ARL10: variants seen among roughly 807,000 people sequenced by gnomAD.
The protein encoded by ARL10 is ARF like GTPase 10.
In ARL10, 23 loss-of-function variants were observed where a neutral mutation model predicts 26.1. The ratio of observed to expected loss-of-function variants is 0.88; its 90% CI spans 0.63 to 1.25. ARL10 has a LOEUF of 1.25. Among genes scored for constraint, ARL10 ranks in the 50% most tolerant of loss-of-function variants. The pLI is 0.00. For missense variants in ARL10, 300 were observed against 323.6 expected, an observed-to-expected ratio of 0.93 and a Z score of 0.56; for synonymous variants, 138 against 149.1, an observed-to-expected ratio of 0.93 and a Z score of 0.54.
At chr5:176,396,068 G>C (rs966881938) in intron 1 of ARL10, among the ~76,000 whole-genome samples, 6 of 152,136 alleles carry the variant, frequency 3.9e-5, no homozygotes, top group Non-Finnish European at 8.8e-5. Flanking sequence ...CCAGGAGGTG[G>C]AGGTCGCAGT....
downstream of ARL10, among the ~76,000 whole-genome samples, chr5:176,405,221 G>A (rs923020674): frequency 2.0e-5 from 3 of 152,066 alleles, no homozygotes; most frequent in South Asian, 2.1e-4. Flanking sequence ...CAGGTGCAGC[G>A]GCTCACACCT....
intron 1 of ARL10, among the ~76,000 whole-genome samples, chr5:176,394,540 A>G (rs184465202): frequency 0.01 from 1,576 of 151,764 alleles, 29 homozygotes; most frequent in African/African-American, 0.03. Context: ...GGGTGTGGCC[A>G]GGCGCGGTGG....
chr5:176,392,998 T>C, downstream of ARL10: 1 of 1,605,910 alleles, frequency 6.2e-7, no homozygotes, highest in Non-Finnish European at 8.5e-7. The surrounding 1 kb of genome is among the most constrained non-coding windows in gnomAD (Gnocchi z 5.2). Flanking sequence ...CCCCCAGCCT[T>C]GCCCTTGAGC....
rs1333267821 is a variant in ARL10, at chr5:176,375,339, CCACCCATCCATCCATCCATCCATCCATCT to C, written c.*3445_*3473del. 17 of 118,692 alleles carry C rather than the reference CCACCCATCCATCCATCCATCCATCCATCT, an allele frequency of 1.4e-4. No individual in the cohort carries two copies. The highest frequency in any genetic ancestry group is 5.3e-4 in the African/African-American group (17 of 32,012). The allele number at this position is 118,692 out of a possible 1,614,324, so 7.4% of individuals were successfully genotyped here. A position where few individuals can be genotyped will look rare whatever the true frequency, so the allele number is the denominator to read the frequency against. ...ATCCATCCATCCATCCATCCATCATCCACCCATCCATCCATCCATCCATCCATCTGTGGCTTCTACCTGTGCGAATCTCT... is the reference window on the plus strand; with the variant it reads ...ATCCATCCATCCATCCATCCATCATCGTGGCTTCTACCTGTGCGAATCTCT... On this transcript the variant is annotated 3_prime_UTR_variant, in exon 4 of 4. Transcript: ENST00000310389.
At chr5:176,401,383 A>G (rs1358548363) in intron 1 of ARL10, among the ~76,000 whole-genome samples, 1 of 152,198 alleles carries the variant, frequency 6.6e-6, no homozygotes, top group Non-Finnish European at 1.5e-5. Flanking sequence ...CCATCTGACC[A>G]CCACCCAATC....
chr5:176,399,054 G>C (rs1222636734), intron 1 of ARL10, among the ~76,000 whole-genome samples: 1 of 152,084 alleles, frequency 6.6e-6, no homozygotes, highest in East Asian at 1.9e-4. Flanking sequence ...ATGTTGGTCA[G>C]GCTGATCTCG....
intron 1 of ARL10, among the ~76,000 whole-genome samples, chr5:176,394,229 CCT>C (rs1268549193): frequency 6.6e-6 from 1 of 152,222 alleles, no homozygotes; most frequent in Non-Finnish European, 1.5e-5. Context: ...CAGAGGCTCC[CCT>C]CTGTCCTTGC....
downstream of ARL10, chr5:176,385,274 C>A: frequency 6.2e-7 from 1 of 1,613,640 alleles, no homozygotes; most frequent in Non-Finnish European, 8.5e-7. Context: ...TCAATGAGGT[C>A]CCGAGACAGA....
downstream of ARL10, among the ~76,000 whole-genome samples, chr5:176,392,236 A>T (rs1272664737): frequency 6.6e-6 from 1 of 152,218 alleles, no homozygotes; most frequent in Non-Finnish European, 1.5e-5. The surrounding 1 kb of genome is among the most constrained non-coding windows in gnomAD (Gnocchi z 5.2). Context: ...GTCCTTGGTT[A>T]TATGGTGAGA....
intron 1 of ARL10, chr5:176,397,496 T>TC: frequency 3.1e-6 from 1 of 323,078 alleles, no homozygotes; most frequent in Non-Finnish European, 5.1e-6. Flanking sequence ...CTCCCTCATG[T>TC]CCCCACCCCT....
downstream of ARL10, chr5:176,406,289 G>A: frequency 9.5e-7 from 1 of 1,055,744 alleles, no homozygotes; most frequent in South Asian, 2.8e-5. Context: ...GCCAGGACCA[G>A]AAGGCAGGAG....
At position 176,366,507 on chromosome 5, in the gene ARL10, A is replaced by AAGGCCACATCCCCACCTGGGGCTT; in HGVS notation, c.312_335dup (p.Gly111_Phe112insLeuGlyHisIleProThrTrpGly). ...GTGTTGTCGGGGAAGCCACCGCTGG[A>AAGGCCACATCCCCACCTGGGGCTT]AGGCCACATCCCCACCTGGGGCTTC... On this transcript the variant is annotated inframe_insertion, in exon 2 of 4. Coordinates refer to ENST00000310389, the MANE Select transcript of ARL10 (RefSeq NM_173664.6). The AAGGCCACATCCCCACCTGGGGCTT allele has an allele frequency of 6.2e-7, 1 of 1,614,090 alleles. No individual in the cohort carries two copies. The highest frequency in any genetic ancestry group is 8.5e-7 in the Non-Finnish European group (1 of 1,180,016).
At position 176,372,199 on chromosome 5, in the gene ARL10, G is replaced by C; in HGVS notation, c.*304G>C. On this transcript the variant is annotated 3_prime_UTR_variant, in exon 4 of 4. Transcript: ENST00000310389. ...TCTTACCTGTACAGTGAGATGCTCA[G>C]TGGGCTCAATCCTCCACTACAGGTC... The C allele has an allele frequency of 1.3e-6, 1 of 743,886 alleles. No homozygotes were observed. The highest frequency in any genetic ancestry group is 1.8e-6 in the Non-Finnish European group (1 of 547,376). 46.1% of individuals were successfully genotyped at this position (743,886 alleles called of 1,614,324 possible).
chr5:176,412,128 A>G, the ARL10 span, among the ~76,000 whole-genome samples: 2 of 149,466 alleles, frequency 1.3e-5, no homozygotes, highest in East Asian at 4.0e-4. Flanking sequence ...GTGAGCCGAG[A>G]TCCCGCCACT....
chr5:176,388,845 C>T (rs1006074640), downstream of ARL10: 6 of 1,613,972 alleles, frequency 3.7e-6, no homozygotes, highest in African/African-American at 6.7e-5. Context: ...CCTGTGATTC[C>T]GGAGGTCCCC....
chr5:176,389,240 A>G (rs759990012), downstream of ARL10: 93 of 1,434,910 alleles, frequency 6.5e-5, no homozygotes, highest in Non-Finnish European at 8.6e-5. Flanking sequence ...TGTGATCCAG[A>G]GATCTTGGCT....
At chr5:176,366,706 C>A in intron 2 of ARL10, 125 bp downstream of exon 2, 1 of 1,184,930 alleles carries the variant, frequency 8.4e-7, no homozygotes, top group Non-Finnish European at 1.2e-6. Flanking sequence ...ATCCTTCCCA[C>A]CGCTCTCCGG....
downstream of ARL10, chr5:176,383,825 G>C: frequency 1.5e-6 from 1 of 676,558 alleles, no homozygotes; most frequent in Non-Finnish European, 2.5e-6. Context: ...GCCTAGAAGA[G>C]CAAGTGAACG....
Position 176,375,208 on chromosome 5 carries a change from T to TCATCCACCCATCCACCCATCCACC in ARL10, c.*3335_*3336insCCCATCCACCCATCCACCCATCCA, listed in dbSNP as rs1487031780. The TCATCCACCCATCCACCCATCCACC allele has an allele frequency of 3.5e-5, 1 of 28,360 alleles. No homozygotes were observed. Among genetic ancestry groups the TCATCCACCCATCCACCCATCCACC allele is most frequent in the Non-Finnish European group, 6.4e-5 (1 of 15,532 alleles). 1.8% of individuals were successfully genotyped at this position (28,360 alleles called of 1,614,324 possible). A position where few individuals can be genotyped will look rare whatever the true frequency, so the allele number is the denominator to read the frequency against. ...TCCACCCATCCATCCATCCATCCAC[T>TCATCCACCCATCCACCCATCCACC]CATCCACCCATCCACCCATCCATCC... On this transcript the variant is annotated 3_prime_UTR_variant, in exon 4 of 4. Transcript: ENST00000310389.
Sources: allele counts gnomAD v4.1 joint callset (sites outside exome capture counted in the v4.1 genomes callset), GRCh38; gene constraint gnomAD v4.1.1; non-coding constraint Gnocchi (gnomAD v3.1); transcripts MANE v1.5; gene names NCBI Gene and HGNC (gene_info 2026-07-23, HGNC 2026-07-21).